Variants in KHDRBS3 observed in about 807,000 individuals in gnomAD.
The protein encoded by KHDRBS3 is KH domain-containing, RNA-binding, signal transduction-associated protein 3.
In KHDRBS3, 23 loss-of-function variants were observed where a neutral mutation model predicts 45.6. That is an observed-to-expected ratio of 0.50 (90% CI 0.36 to 0.72). The LOEUF is 0.72. Among genes scored for constraint, KHDRBS3 ranks in the 30% least tolerant of loss-of-function variants. The pLI, the probability that KHDRBS3 is intolerant of heterozygous loss-of-function variation, is 0.00. For missense variants in KHDRBS3, 352 were observed against 424.8 expected, an observed-to-expected ratio of 0.83 and a Z score of 1.51; for synonymous variants, 162 against 156.5, an observed-to-expected ratio of 1.04 and a Z score of -0.26.
chr8:135,508,314 T>C (rs574920751), intron 1 of KHDRBS3, among the ~76,000 whole-genome samples: 4 of 152,322 alleles, frequency 2.6e-5, no homozygotes, highest in African/African-American at 9.6e-5. Context: ...AGTACAGTCA[T>C]ATTTCTATCT....
intron 6 of KHDRBS3, among the ~76,000 whole-genome samples, chr8:135,594,864 C>T (rs974258087): frequency 6.6e-6 from 1 of 152,172 alleles, no homozygotes; most frequent in Non-Finnish European, 1.5e-5. Flanking sequence ...CAGGCCTCCC[C>T]AGGACCTAGC....
chr8:135,626,686 C>T (rs1287408421), intron 7 of KHDRBS3, among the ~76,000 whole-genome samples: 1 of 151,880 alleles, frequency 6.6e-6, no homozygotes. Context: ...CGCCTGTAGT[C>T]CCAGCTACTT....
At position 135,498,396 on chromosome 8, in the gene KHDRBS3, A is replaced by G. The variant is rs138298943; in HGVS notation, c.89-22841A>G. Among the ~76,000 whole-genome samples, 693 of 146,850 alleles carry G rather than the reference A, an allele frequency of 4.7e-3. 2 individuals carry two copies. Among genetic ancestry groups the G allele is most frequent in the African/African-American group, 0.016 (666 of 41,174 alleles). On this transcript the variant is annotated intron_variant, in intron 1 of 8. Transcript: ENST00000355849. ...ACCTGATCACATAATTCTTGTGTTG[A>G]AAACTTTTCAAGAGATCTTAGTTTA...
rs529030397 is a variant in KHDRBS3 at position 135,500,442 on chromosome 8, G to GT, written c.89-20789dup. ...GGGCTGATGGAAGACAATGGAAGTAGTTTTTTAAATGCGAGAACAGAGGCT... is the reference window on the plus strand; with the variant it reads ...GGGCTGATGGAAGACAATGGAAGTAGTTTTTTTAAATGCGAGAACAGAGGCT... On this transcript the variant is annotated intron_variant, in intron 1 of 8. Coordinates refer to ENST00000355849, the MANE Select transcript of KHDRBS3 (RefSeq NM_006558.3). Among the ~76,000 whole-genome samples the GT allele has an allele frequency of 2.6e-4, 39 of 152,276 alleles. 2 individuals carry two copies. In the South Asian group the frequency reaches 7.7e-3, roughly 30 times the overall value.
At chr8:135,631,456 T>G (rs28823669) in intron 7 of KHDRBS3, among the ~76,000 whole-genome samples, 26 of 148,514 alleles carry the variant, frequency 1.8e-4, no homozygotes, top group South Asian at 4.3e-4. Flanking sequence ...AATGTTTTGG[T>G]TTTTTTTTTA....
chr8:135,496,807 C>G (rs1823473253), intron 1 of KHDRBS3, among the ~76,000 whole-genome samples: 2 of 152,226 alleles, frequency 1.3e-5, no homozygotes, highest in South Asian at 4.1e-4. Flanking sequence ...TGGTCAGTGG[C>G]TGGGAACTCA....
intron 6 of KHDRBS3, among the ~76,000 whole-genome samples, chr8:135,603,964 C>T (rs1262904392): frequency 6.6e-6 from 1 of 151,524 alleles, no homozygotes; most frequent in Non-Finnish European, 1.5e-5. Context: ...TCTTTTTTGA[C>T]CTTCTTTCTA....
chr8:135,458,317 G>A, intron 1 of KHDRBS3: 2 of 498,628 alleles, frequency 4.0e-6, no homozygotes, highest in Non-Finnish European at 5.6e-6. Context: ...TGTTGGACTC[G>A]GGGAAGTAGG....
In KHDRBS3 at chr8:135,548,828, G is replaced by A. The variant is rs375475836; in HGVS notation, c.399G>A (p.Val133=). Residue 133 remains valine (V), a synonymous_variant, in exon 4 of 9, where the codon GTG becomes GTA. Transcript: ENST00000355849. ...LNDDLHVLIE[V]FAPPAEAYAR... ...ATGATCTCCATGTTCTCATTGAAGTGTTTGCCCCACCTGCAGAAGCTTATG... is the reference window on the plus strand; with the variant it reads ...ATGATCTCCATGTTCTCATTGAAGTATTTGCCCCACCTGCAGAAGCTTATG... The A allele has an allele frequency of 1.3e-5, 21 of 1,605,414 alleles. No individual in the cohort carries two copies. In the African/African-American group the frequency reaches 2.7e-4, roughly 20 times the overall value.
intron 2 of KHDRBS3, among the ~76,000 whole-genome samples, chr8:135,536,746 G>T (rs1420371353): frequency 6.6e-6 from 1 of 150,566 alleles, no homozygotes; most frequent in African/African-American, 2.5e-5. Context: ...GGATCATGAG[G>T]TCAGGAGATC....
intron 1 of KHDRBS3, among the ~76,000 whole-genome samples, chr8:135,516,103 C>A (rs921924747): frequency 6.6e-6 from 1 of 152,174 alleles, no homozygotes; most frequent in African/African-American, 2.4e-5. Context: ...AGCCAGAGTA[C>A]ATGTTACCAT....
intron 5 of KHDRBS3, among the ~76,000 whole-genome samples, chr8:135,575,135 G>C (rs561257438): frequency 1.1e-4 from 17 of 152,302 alleles, no homozygotes; most frequent in African/African-American, 4.1e-4. Flanking sequence ...ATTTACAATA[G>C]TCATTAAAGG....
intron 7 of KHDRBS3, among the ~76,000 whole-genome samples, chr8:135,607,476 A>G (rs999432167): frequency 1.3e-5 from 2 of 152,164 alleles, no homozygotes; most frequent in Admixed American, 1.3e-4. Flanking sequence ...TTTTCTATCA[A>G]CTTCAAACTC....
At chr8:135,570,810 T>C (rs1460251048) in intron 5 of KHDRBS3, among the ~76,000 whole-genome samples, 1 of 152,220 alleles carries the variant, frequency 6.6e-6, no homozygotes, top group Non-Finnish European at 1.5e-5. Flanking sequence ...TCTGTGCTTT[T>C]TCTTGCTGTA....
chr8:135,582,490 ATTC>A (rs1469808844), intron 6 of KHDRBS3, among the ~76,000 whole-genome samples: 3 of 152,220 alleles, frequency 2.0e-5, no homozygotes, highest in African/African-American at 7.2e-5. Context: ...CTGAGTATGG[ATTC>A]TTAGTGGAAA....
intron 1 of KHDRBS3, among the ~76,000 whole-genome samples, chr8:135,512,373 G>T (rs969192594): frequency 4.5e-5 from 6 of 132,086 alleles, no homozygotes; most frequent in Admixed American, 2.4e-4. Context: ...ATAGATTTGG[G>T]CCAATGCCTG....
At chr8:135,648,043 A>G (rs1270224010), downstream of KHDRBS3, 1 of 152,204 alleles carries the variant, frequency 6.6e-6, no homozygotes, top group Non-Finnish European at 1.5e-5. Flanking sequence ...GCTTTTAAAG[A>G]CTTTCTGGCT....
chr8:135,577,072 A>G (rs1230855767), intron 5 of KHDRBS3, among the ~76,000 whole-genome samples: 2 of 151,886 alleles, frequency 1.3e-5, no homozygotes, highest in Non-Finnish European at 2.9e-5. Context: ...TCCTGTAGAA[A>G]GTAACTTCAT....
chr8:135,486,678 A>G (rs1267182745), intron 1 of KHDRBS3, among the ~76,000 whole-genome samples: 1 of 152,226 alleles, frequency 6.6e-6, no homozygotes, highest in Non-Finnish European at 1.5e-5. Flanking sequence ...GAATCTATGC[A>G]TATTTAGATA....
Sources: allele counts gnomAD v4.1 joint callset (sites outside exome capture counted in the v4.1 genomes callset), GRCh38; gene constraint gnomAD v4.1.1; transcripts MANE v1.5; gene names NCBI Gene and HGNC (gene_info 2026-07-23, HGNC 2026-07-21).